The following SLC26A9 variants were observed in gnomAD, a reference collection of about 807,000 sequenced individuals.
The protein encoded by SLC26A9 is anion transporter/exchanger protein 9.
A neutral mutation model predicts 87.1 loss-of-function variants in SLC26A9; 46 were observed. That is an observed-to-expected ratio of 0.53 (90% CI 0.42 to 0.67). The LOEUF (loss-of-function observed/expected upper bound fraction) is 0.67. SLC26A9 is among the 30% of genes least tolerant of loss of function. SLC26A9 has a pLI of 0.00. For missense variants in SLC26A9, 927 were observed against 1,018.3 expected (o/e 0.91, Z 1.22); for synonymous variants, 437 against 409.1 (o/e 1.07, Z -0.82).
chr1:205,929,204 C>T lies in SLC26A9; in HGVS notation c.870G>A (p.Val290=). 6.2e-7 allele frequency: 1 copy of T among 1,613,480 alleles called. No individual in the cohort carries two copies. Among genetic ancestry groups the T allele is most frequent in the South Asian group, 1.1e-5 (1 of 90,966 alleles). ...TCCCAGCTCTGAACAAGGTCCTTAC[C>T]ACAATCATCTCTGTAGGGATGGGGA... is the stretch of plus-strand genomic sequence containing the variant. ...IRFPIPTEMI[V]VVVATAISGG... Residue 290 remains valine, a splice_region_variant and synonymous_variant, in exon 7 of 21, where the codon GTG becomes GTA. Transcript: ENST00000367135.
chr1:205,917,473 G>C (rs1658642908), intron 19 of SLC26A9, 119 bp from the exon 20 acceptor site: 2 of 934,114 alleles, frequency 2.1e-6, no homozygotes. Flanking sequence ...CCTGACACAT[G>C]ACTTATCCTC....
rs199808978 is a variant in SLC26A9, at chr1:205,917,243, C to T, written c.2328+40G>A. The T allele has an allele frequency of 3.0e-3, 4,797 of 1,608,882 alleles. 8 individuals are homozygous for T. Among genetic ancestry groups the T allele is most frequent in the Non-Finnish European group, 3.8e-3 (4,426 of 1,175,586 alleles). ...ACAGCGACCCCATCCTTCCCCTCTT[C>T]GCCCTGCTCCCACCCTCACAGCCCC... is the stretch of plus-strand genomic sequence containing the variant. On this transcript the variant is annotated intron_variant, in intron 20 of 20. Transcript: ENST00000367135.
intron 16 of SLC26A9, among the ~76,000 whole-genome samples, chr1:205,922,570 A>T (rs1010025707): frequency 6.6e-6 from 1 of 152,202 alleles, no homozygotes; most frequent in African/African-American, 2.4e-5. Flanking sequence ...TTGGGGGTTC[A>T]GTGGCTTCCC....
chr1:205,932,618 G>A (rs1002467753), intron 4 of SLC26A9, 84 bp downstream of exon 4: 2 of 1,154,692 alleles, frequency 1.7e-6, no homozygotes, highest in African/African-American at 1.6e-5. Flanking sequence ...GAATGCAGAT[G>A]GAAAATCTCC....
intron 4 of SLC26A9, 118 bp downstream of exon 4, chr1:205,932,584 G>T: frequency 1.2e-6 from 1 of 825,014 alleles, no homozygotes; most frequent in Non-Finnish European, 1.9e-6. Flanking sequence ...ATTCCCCTAG[G>T]ACTGACCAGG....
At chr1:205,930,322 C>T (rs889735287) in intron 5 of SLC26A9, 11 of 302,972 alleles carry the variant, frequency 3.6e-5, no homozygotes, top group Admixed American at 2.9e-4. Flanking sequence ...GTCTAGTCCT[C>T]CCCCAGTGTT....
At chr1:205,919,703 T>C (rs1459200909) in intron 18 of SLC26A9, among the ~76,000 whole-genome samples, 2 of 152,204 alleles carry the variant, frequency 1.3e-5, no homozygotes, top group East Asian at 3.8e-4. Flanking sequence ...TATGCACCCT[T>C]TGGAGGCTGT....
rs1469276190 is a variant in SLC26A9, at chr1:205,935,976, C to T, written c.-18-138G>A. The T allele has an allele frequency of 7.3e-6, 8 of 1,101,410 alleles. No individual in the cohort carries two copies. The East Asian group carries it at 1.9e-4, about 26-fold the overall frequency. 68.2% of individuals were successfully genotyped at this position (1,101,410 alleles called of 1,614,324 possible). A position where few individuals can be genotyped will look rare whatever the true frequency, so the allele number is the denominator to read the frequency against. On this transcript the variant is annotated intron_variant, in intron 1 of 20. Coordinates refer to ENST00000367135, the MANE Select transcript of SLC26A9 (RefSeq NM_052934.4). The stretch of plus-strand genomic sequence containing the variant: ...CCCGATAAAGCAAGGTGCCTCCCTT[C>T]CCTCTGTCAAGTTTTTCCGTCAGAC...
At chr1:205,942,607 G>A (rs1659795452) in intron 1 of SLC26A9, among the ~76,000 whole-genome samples, 1 of 152,204 alleles carries the variant, frequency 6.6e-6, no homozygotes, top group Non-Finnish European at 1.5e-5. Context: ...GGAACCCCTT[G>A]GAGCTGCAGG....
In SLC26A9 at chr1:205,929,251, G is replaced by C; in HGVS notation, c.823C>G (p.Arg275Gly). The C allele has an allele frequency of 6.2e-7, 1 of 1,614,196 alleles. No homozygotes were observed. The highest frequency in any genetic ancestry group is 8.5e-7 in the Non-Finnish European group (1 of 1,180,038). ...GGGAAGCGAATCTTGTGCATGTAGC[G>C]AGCATTGAGCTCCTTCACCAGCACC... ...FLVLVKELNARYMHKIRFPIP... is the reference protein window; with the variant it reads ...FLVLVKELNAGYMHKIRFPIP... Residue 275 changes from arginine (R) to glycine (G), a missense_variant, in exon 7 of 21, where the codon CGC becomes GGC. Transcript: ENST00000367135.
chr1:205,924,384 A>G lies in SLC26A9; in HGVS notation c.1495T>C (p.Phe499Leu), dbSNP rs201456648. 33 of 1,613,940 alleles carry G rather than the reference A, an allele frequency of 2.0e-5. No individual in the cohort carries two copies. The African/African-American group carries it at 3.9e-4, about 19-fold the overall frequency. The part of the protein sequence containing the change: ...SVLVVVFQTQ[F>L]RNGYALAQVM... Reference sequence around the variant, plus strand: ...AGGAGGGCGGAAGCTATCACTTACAACTGAGTCTGGAAGACCACGACCAGG... The same window carrying G: ...AGGAGGGCGGAAGCTATCACTTACAGCTGAGTCTGGAAGACCACGACCAGG... The change falls in exon 13 of 21, where the codon TTT becomes CTT. Residue 499 changes from phenylalanine (F) to leucine (L), a missense_variant and splice_region_variant. Coordinates refer to ENST00000367135, the MANE Select transcript of SLC26A9 (RefSeq NM_052934.4).
rs1294363906 is a variant in SLC26A9 at position 205,914,828 on chromosome 1, A to G, written c.*529T>C. ...GAGAGCACATGGTCCCTGGGTGCAG[A>G]GCTGCCAGAGACAGAGTTGAGGCAG... On this transcript the variant is annotated 3_prime_UTR_variant, in exon 21 of 21. Coordinates refer to ENST00000367135, the MANE Select transcript of SLC26A9 (RefSeq NM_052934.4). 12 of 1,553,638 alleles carry G rather than the reference A, an allele frequency of 7.7e-6. No homozygotes were observed. The highest frequency in any genetic ancestry group is 1.0e-5 in the Non-Finnish European group (12 of 1,145,088).
At chr1:205,928,138 GC>G in intron 8 of SLC26A9, 89 bp from the exon 9 acceptor site, 3 of 1,477,068 alleles carry the variant, frequency 2.0e-6, no homozygotes, top group Non-Finnish European at 2.7e-6. Context: ...GACCAGCCAG[GC>G]CCCCATGGTG....
At chr1:205,929,038 G>A in intron 7 of SLC26A9, 129 bp from the exon 8 acceptor site, 1 of 1,450,478 alleles carries the variant, frequency 6.9e-7, no homozygotes, top group Non-Finnish European at 9.5e-7. Flanking sequence ...GGAATTATTA[G>A]AGCAGTAGAA....
intron 12 of SLC26A9, 41 bp downstream of exon 12, chr1:205,926,494 G>T: frequency 1.3e-6 from 2 of 1,527,766 alleles, no homozygotes; most frequent in South Asian, 1.1e-5. Flanking sequence ...GGAGGAGAGG[G>T]CAGGGGCATG....
intron 4 of SLC26A9, 108 bp downstream of exon 4, chr1:205,932,594 G>A: frequency 1.1e-6 from 1 of 938,576 alleles, no homozygotes; most frequent in Non-Finnish European, 1.6e-6. Flanking sequence ...GACTGACCAG[G>A]AACAACTCCA....
rs375146472 is a variant in SLC26A9, at chr1:205,920,211, T to G, written c.2075A>C (p.Lys692Thr). ...CACCAAGAAGACCTTCACGCCGATC[T>G]TCCCATAGGTGGAGCTCAGCTAGAA... ...ALAKLSSTYGKIGVKVFLVNI... is the reference protein window; with the variant it reads ...ALAKLSSTYGTIGVKVFLVNI... The change falls in exon 18 of 21, where the codon AAG becomes ACG. Residue 692 changes from lysine (K) to threonine (T), a missense_variant. Physicochemically the swap from Lys to Thr is moderately conservative, Grantham distance 78. Transcript: ENST00000367135. 4 of 1,613,980 alleles carry G rather than the reference T, an allele frequency of 2.5e-6. No individual in the cohort carries two copies. The African/African-American group carries it at 5.3e-5, about 22-fold the overall frequency.
intron 2 of SLC26A9, among the ~76,000 whole-genome samples, chr1:205,933,644 T>C (rs1239980468): frequency 6.6e-6 from 1 of 152,166 alleles, no homozygotes; most frequent in Non-Finnish European, 1.5e-5. Context: ...AATGAGTGAA[T>C]ACACCCGAGT....
chr1:205,924,226 G>A (rs986700470), intron 13 of SLC26A9, among the ~76,000 whole-genome samples, 157 bp downstream of exon 13: 2 of 152,218 alleles, frequency 1.3e-5, no homozygotes, highest in Non-Finnish European at 2.9e-5. Flanking sequence ...CCACAGTCCT[G>A]GCTGGGTTGG....
Sources: allele counts gnomAD v4.1 joint callset (sites outside exome capture counted in the v4.1 genomes callset), GRCh38; gene constraint gnomAD v4.1.1; transcripts MANE v1.5; gene names NCBI Gene and HGNC (gene_info 2026-07-23, HGNC 2026-07-21).